Variants in ZNF717 observed in about 807,000 individuals in gnomAD.
ZNF717 encodes zinc finger protein 717, also known as krueppel-like factor X17.
A neutral mutation model predicts 13.8 loss-of-function variants in ZNF717; 9 were observed. That is an observed-to-expected ratio of 0.65 (90% confidence interval 0.39 to 1.14). The LOEUF (loss-of-function observed/expected upper bound fraction) is 1.14, where lower values mean the gene tolerates loss of function less well. ZNF717 is among the 50% of genes most tolerant of loss of function. The pLI is 0.01. For missense variants in ZNF717, 1,040 were observed against 1,080.7 expected (o/e 0.96, Z 0.53); for synonymous variants, 327 against 364.1 (o/e 0.90, Z 1.16).
At chr3:75,696,911 A>C (rs199908791) in intron 6 of ZNF717, among the ~76,000 whole-genome samples, 1 of 14,504 alleles carries the variant, frequency 6.9e-5, no homozygotes, top group Admixed American at 6.5e-4. Flanking sequence ...AAAAAAAAAA[A>C]AAAAAACAAG....
intron 6 of ZNF717, among the ~76,000 whole-genome samples, chr3:75,697,323 C>A: frequency 6.6e-6 from 1 of 152,406 alleles, no homozygotes; most frequent in South Asian, 2.1e-4. Context: ...TGTCCCCTCC[C>A]AAATCTCATA....
intron 6 of ZNF717, among the ~76,000 whole-genome samples, chr3:75,695,823 G>T (rs1473051963): frequency 6.6e-6 from 1 of 152,088 alleles, no homozygotes; most frequent in Non-Finnish European, 1.5e-5. Flanking sequence ...TAGTAAAAGA[G>T]GTACTATTAT....
Position 75,737,081 on chromosome 3 carries a change from T to C in ZNF717, c.2542A>G (p.Arg848Gly), listed in dbSNP as rs973942680. The C allele has an allele frequency of 2.5e-6, 4 of 1,588,878 alleles. No individual in the cohort carries two copies. The highest frequency in any genetic ancestry group is 2.7e-5 in the African/African-American group (2 of 74,106). ...GEKPFRCNEC[R>G]KTFSQKSGLS... ...CCTGACTTCTGGGAGAAAGTTTTCCTACATTCATTACATCTAAAGGGTTTT... is the reference window on the plus strand; with the variant it reads ...CCTGACTTCTGGGAGAAAGTTTTCCCACATTCATTACATCTAAAGGGTTTT... Residue 848 changes from arginine (R) to glycine (G), a missense_variant, in exon 5 of 5, where the codon AGG (arginine) becomes GGG (glycine). Around this residue, in one of 3 missense-constraint regions of ZNF717, gnomAD observed 873 missense variants for 832.8 expected, o/e 1.05. Coordinates refer to ENST00000652011, the MANE Select transcript of ZNF717 (RefSeq NM_001290208.3).
In ZNF717 at chr3:75,764,994, T is replaced by G. The variant is rs1193978470; in HGVS notation, c.57+18312A>C. ...GAATGGACGGATAAACAAAAGGATA[T>G]ATATATATATATATATATATATATA... is the stretch of plus-strand genomic sequence containing the variant. On this transcript the variant is annotated intron_variant, in intron 2 of 4. Coordinates refer to ENST00000652011, the MANE Select transcript of ZNF717 (RefSeq NM_001290208.3). Among the ~76,000 whole-genome samples, 7 of 24,724 alleles carry G rather than the reference T, an allele frequency of 2.8e-4. No homozygotes were observed. The East Asian group carries it at 3.0e-3, about 11-fold the overall frequency. The allele number at this position is 24,724 out of a possible 152,430, so 16.2% of individuals were successfully genotyped here.
downstream of ZNF717, among the ~76,000 whole-genome samples, chr3:75,707,675 G>A (rs4677582): frequency 0.32 from 47,624 of 150,594 alleles, 8,245 homozygotes; most frequent in Non-Finnish European, 0.41. Flanking sequence ...GGAAGCTCAC[G>A]GGGTCAGGGA....
rs1943259485 is a variant in ZNF717 at position 75,764,314 on chromosome 3, C to T, written c.57+18992G>A. Among the ~76,000 whole-genome samples, 4 of 152,242 alleles carry T rather than the reference C, an allele frequency of 2.6e-5. No homozygotes were observed. The South Asian group carries it at 8.3e-4, about 32-fold the overall frequency. On this transcript the variant is annotated intron_variant, in intron 2 of 4. Transcript: ENST00000652011. The stretch of plus-strand genomic sequence containing the variant: ...TTCCGTATCTGTTTCCTGCCTTTTT[C>T]CCAGCAGTTCCCAGGCCTCAGTAGC...
At chr3:75,754,964 T>G (rs564607256) in intron 2 of ZNF717, among the ~76,000 whole-genome samples, 1 of 152,188 alleles carries the variant, frequency 6.6e-6, no homozygotes, top group African/African-American at 2.4e-5. Flanking sequence ...GAAAACACCT[T>G]ACCTACAGAG....
intron 6 of ZNF717, among the ~76,000 whole-genome samples, chr3:75,703,475 A>G (rs1382900218): frequency 6.6e-6 from 1 of 152,256 alleles, no homozygotes; most frequent in Non-Finnish European, 1.5e-5. Context: ...GGTTTCAGTG[A>G]GCCAGGATGG....
intron 2 of ZNF717, among the ~76,000 whole-genome samples, chr3:75,758,912 G>A (rs1266735738): frequency 6.6e-6 from 1 of 152,200 alleles, no homozygotes; most frequent in Non-Finnish European, 1.5e-5. Context: ...CTGAGGTGGG[G>A]GTTTGATTGA....
chr3:75,779,785 G>T (rs1944662868), intron 2 of ZNF717, among the ~76,000 whole-genome samples: 2 of 150,366 alleles, frequency 1.3e-5, no homozygotes, highest in Admixed American at 1.3e-4. Context: ...GGAGTGATGT[G>T]CTAAAACCGG....
At chr3:75,769,538 C>T (rs1205228833) in intron 2 of ZNF717, among the ~76,000 whole-genome samples, 1 of 152,174 alleles carries the variant, frequency 6.6e-6, no homozygotes, top group Non-Finnish European at 1.5e-5. Flanking sequence ...GTTGTTACAT[C>T]ACAGATAATT....
chr3:75,747,062 G>T (rs1365934601), intron 2 of ZNF717, among the ~76,000 whole-genome samples: 1 of 152,028 alleles, frequency 6.6e-6, no homozygotes, highest in African/African-American at 2.4e-5. Flanking sequence ...GAAGGGATCT[G>T]GTTTCAGCTT....
chr3:75,721,081 C>T (rs138330418), intron 4 of ZNF717, among the ~76,000 whole-genome samples: 2 of 151,766 alleles, frequency 1.3e-5, no homozygotes, highest in Admixed American at 6.6e-5. Context: ...TTAATAAAAA[C>T]ATGAAAATAA....
chr3:75,780,377 C>G (rs1944720422), intron 2 of ZNF717, among the ~76,000 whole-genome samples: 1 of 152,218 alleles, frequency 6.6e-6, no homozygotes, highest in South Asian at 2.1e-4. Flanking sequence ...GTCACACTCT[C>G]AACTAAGTGA....
chr3:75,707,526 C>T (rs1456663523), downstream of ZNF717, among the ~76,000 whole-genome samples: 24 of 152,406 alleles, frequency 1.6e-4, no homozygotes, highest in African/African-American at 4.8e-4. Context: ...GCATGAACGA[C>T]GCAGAAGATG....
downstream of ZNF717, among the ~76,000 whole-genome samples, chr3:75,705,069 T>C (rs1937776336): frequency 6.6e-6 from 1 of 152,394 alleles, no homozygotes; most frequent in East Asian, 1.9e-4. Flanking sequence ...TAATTTTTCT[T>C]AACAGTTTTC....
intron 2 of ZNF717, among the ~76,000 whole-genome samples, chr3:75,765,641 G>A (rs1943405778): frequency 6.6e-6 from 1 of 151,898 alleles, no homozygotes; most frequent in East Asian, 2.0e-4. Context: ...CCACCTCCTG[G>A]GCTCAAGCAA....
chr3:75,706,292 T>C (rs1471462472), downstream of ZNF717, among the ~76,000 whole-genome samples: 1 of 152,308 alleles, frequency 6.6e-6, no homozygotes, highest in African/African-American at 2.4e-5. Flanking sequence ...CAGGCATTGC[T>C]AGCAGTTTAT....
At chr3:75,727,807 C>T (rs1328992037), downstream of ZNF717, among the ~76,000 whole-genome samples, 2 of 152,214 alleles carry the variant, frequency 1.3e-5, no homozygotes, top group Non-Finnish European at 2.9e-5. Flanking sequence ...GACCTACTCC[C>T]TGTTCGTACA....
Sources: allele counts gnomAD v4.1 joint callset (sites outside exome capture counted in the v4.1 genomes callset), GRCh38; gene constraint gnomAD v4.1.1; regional missense constraint gnomAD v4.1.1; transcripts MANE v1.5; gene names NCBI Gene and HGNC (gene_info 2026-07-23, HGNC 2026-07-21).